The following TPSG1 variants were observed in gnomAD, a reference collection of about 807,000 sequenced individuals.
TPSG1 encodes tryptase gamma.
In TPSG1, 43 loss-of-function variants were observed where a neutral mutation model predicts 23.8. The observed-to-expected ratio is 1.81, with a 90% CI of 1.42 to 2.33. TPSG1 has a LOEUF of 2.33. TPSG1 is among the 30% of genes most tolerant of loss of function. The pLI is 0.00. For missense variants in TPSG1, 623 were observed against 438.6 expected (o/e 1.42, Z -3.75); for synonymous variants, 302 against 201.3 (o/e 1.50, Z -4.23).
At position 1,222,729 on chromosome 16, in the gene TPSG1, C is replaced by G. The variant is rs768784959; in HGVS notation, c.434G>C (p.Cys145Ser). 6.2e-7 allele frequency: 1 copy of G among 1,610,428 alleles called. No homozygotes were observed. Among genetic ancestry groups the G allele is most frequent in the Non-Finnish European group, 8.5e-7 (1 of 1,178,118 alleles). ...VTLSSRILPV[C>S]LPEASDDFCP... ...GAAGTCATCTGAGGCCTCCGGGAGG[C>G]AGACGGGCAGGATCCGGCTGGAGAG... is the stretch of plus-strand genomic sequence containing the variant. The change falls in exon 4 of 6, where the codon TGC becomes TCC. Residue 145 changes from cysteine (C) to serine (S), a missense_variant. Transcript: ENST00000234798.
Position 1,224,598 on chromosome 16 carries a change from G to C in TPSG1, c.73+4C>G. 6.2e-7 allele frequency: 1 copy of C among 1,613,816 alleles called. No individual in the cohort carries two copies. The highest frequency in any genetic ancestry group is 8.5e-7 in the Non-Finnish European group (1 of 1,179,854). On this transcript the variant is annotated splice_donor_region_variant and intron_variant, in intron 2 of 5. Coordinates refer to ENST00000234798, the MANE Select transcript of TPSG1 (RefSeq NM_012467.4). ...CCCACACCCCACACCTGTCAGAGAC[G>C]TACCTGGCTGCAAAGTCCTGAGGGA...
At position 1,222,758 on chromosome 16, in the gene TPSG1, C is replaced by A; in HGVS notation, c.405G>T (p.Val135=). ...CGGGCAGGATCCGGCTGGAGAGGGTCACGGGGACACTGAGCTCCACCAGGG... is the reference window on the plus strand; with the variant it reads ...CGGGCAGGATCCGGCTGGAGAGGGTAACGGGGACACTGAGCTCCACCAGGG... The part of the protein sequence containing the change: ...DIALVELSVP[V]TLSSRILPVC... Residue 135 remains valine, a synonymous_variant, in exon 4 of 6, where the codon GTG becomes GTT. Transcript: ENST00000234798. 6.2e-7 allele frequency: 1 copy of A among 1,612,288 alleles called. No homozygotes were observed.
At chr16:1,224,660 G>T in intron 1 of TPSG1, 32 bp from the exon 2 acceptor site, 2 of 1,613,482 alleles carry the variant, frequency 1.2e-6, no homozygotes, top group Non-Finnish European at 1.7e-6. Context: ...CAGGATGGAG[G>T]GGGCTGCCAA....
At chr16:1,224,965 C>T (rs1297653062) in intron 1 of TPSG1, among the ~76,000 whole-genome samples, 1 of 151,938 alleles carries the variant, frequency 6.6e-6, no homozygotes, top group African/African-American at 2.4e-5. Flanking sequence ...CCCCAACTAC[C>T]ACCCGCCCTG....
At position 1,223,408 on chromosome 16, in the gene TPSG1, C is replaced by T. The variant is rs753631616; in HGVS notation, c.245+15G>A. 2 of 1,568,868 alleles carry T rather than the reference C, an allele frequency of 1.3e-6. No homozygotes were observed. The highest frequency in any genetic ancestry group is 1.3e-5 in the African/African-American group (1 of 74,096). On this transcript the variant is annotated intron_variant, in intron 3 of 5. Transcript: ENST00000234798. ...CCTGGACATTGAGACTGCCCCTGCC[C>T]ACCCGGACACTCACCCGGAGAAGCA... is the stretch of plus-strand genomic sequence containing the variant.
In TPSG1 at chr16:1,225,106, A is replaced by G. The variant is rs2030076922; in HGVS notation, c.46+101T>C. The G allele has an allele frequency of 9.1e-6, 13 of 1,431,506 alleles. No homozygotes were observed. In the South Asian group the frequency reaches 1.6e-4, roughly 18 times the overall value. 88.7% of individuals were successfully genotyped at this position (1,431,506 alleles called of 1,614,324 possible). A position where few individuals can be genotyped will look rare whatever the true frequency, so the allele number is the denominator to read the frequency against. ...GGGCCCCACAGGGTGGGGACTCAGC[A>G]TGTTTCTCCGTCTCAGACCAGCCCC... is the stretch of plus-strand genomic sequence containing the variant. On this transcript the variant is annotated intron_variant, in intron 1 of 5. Transcript: ENST00000234798.
chr16:1,221,845 C>T lies in TPSG1; in HGVS notation c.909G>A (p.Leu303=), dbSNP rs765482252. The T allele has an allele frequency of 9.3e-6, 15 of 1,611,748 alleles. No homozygotes were observed. Among genetic ancestry groups the T allele is most frequent in the Non-Finnish European group, 1.7e-6 (2 of 1,179,536 alleles). ...CAGATGGGTGCAGCAGGCACTTGGC[C>T]AGCAGGACACAGGAGACTAGCAGAA... The part of the protein sequence containing the change: ...LFLLLVSCVL[L]AKCLLHPSAD... Residue 303 remains leucine, a synonymous_variant, in exon 6 of 6, where the codon CTG becomes CTA. Transcript: ENST00000234798.
chr16:1,225,196 A>C lies in TPSG1; in HGVS notation c.46+11T>G. 3.2e-6 allele frequency: 5 copies of C among 1,572,294 alleles called. No homozygotes were observed. Among genetic ancestry groups the C allele is most frequent in the Non-Finnish European group, 3.5e-6 (4 of 1,159,048 alleles). ...GCCCCCCCATCCCCACACCCAGGCC[A>C]GGTCACCCACCGGGCACAGCCAGGA... is the stretch of plus-strand genomic sequence containing the variant. On this transcript the variant is annotated intron_variant, in intron 1 of 5. Transcript: ENST00000234798.
In TPSG1 at chr16:1,222,186, G is replaced by A. The variant is rs767182612; in HGVS notation, c.657+10C>T. The stretch of plus-strand genomic sequence containing the variant: ...CGCCCCCATCCTCTGTCACGGCCTG[G>A]CAGGCTCACCTGGCAGGCATCCCCG... On this transcript the variant is annotated intron_variant, in intron 5 of 5. Coordinates refer to ENST00000234798, the MANE Select transcript of TPSG1 (RefSeq NM_012467.4). 6.2e-7 allele frequency: 1 copy of A among 1,611,208 alleles called. No individual in the cohort carries two copies. Among genetic ancestry groups the A allele is most frequent in the Non-Finnish European group, 8.5e-7 (1 of 1,179,714 alleles).
rs199944829 is a variant in TPSG1 at position 1,222,314 on chromosome 16, C to T, written c.539G>A (p.Arg180Gln). The T allele has an allele frequency of 1.4e-4, 229 of 1,608,492 alleles. 2 individuals are homozygous for T. The African/African-American group carries it at 2.2e-3, about 16-fold the overall frequency. The change falls in exon 5 of 6, where the codon CGG becomes CAG. Residue 180 changes from arginine (R) to glutamine (Q), a missense_variant. Arg to Gln is a conservative substitution (Grantham distance 43). Coordinates refer to ENST00000234798, the MANE Select transcript of TPSG1 (RefSeq NM_012467.4). ...GTCCACCACGGAGACTTTCACCTCC[C>T]GCAGGCTGTACGGGGGTGGCAGAGG... ...GEPLPPPYSL[R>Q]EVKVSVVDTE...
chr16:1,223,456 T>G lies in TPSG1; in HGVS notation c.212A>C (p.Gln71Pro). Residue 71 changes from glutamine (Q) to proline (P), a missense_variant, in exon 3 of 6, where the codon CAG becomes CCG. Coordinates refer to ENST00000234798, the MANE Select transcript of TPSG1 (RefSeq NM_012467.4). ...HVCGGSLLSP[Q>P]WVLTAAHCFS... ...GCAGTGGGCAGCTGTGAGCACCCAC[T>G]GGGGGCTGAGCAGTGACCCGCCGCA... 2 of 1,588,036 alleles carry G rather than the reference T, an allele frequency of 1.3e-6. No homozygotes were observed. The highest frequency in any genetic ancestry group is 1.7e-6 in the Non-Finnish European group (2 of 1,169,526).
In TPSG1 at chr16:1,225,171, G is replaced by T. The variant is rs201268351; in HGVS notation, c.46+36C>A. The T allele has an allele frequency of 1.7e-4, 258 of 1,553,326 alleles. 1 individual carries two copies. Among genetic ancestry groups the T allele is most frequent in the Non-Finnish European group, 2.1e-4 (245 of 1,148,682 alleles). On this transcript the variant is annotated intron_variant, in intron 1 of 5. Coordinates refer to ENST00000234798, the MANE Select transcript of TPSG1 (RefSeq NM_012467.4). ...TCAGGGGTCCAGGCAGGAAGCAGAT[G>T]CCCCCCCATCCCCACACCCAGGCCA... is the stretch of plus-strand genomic sequence containing the variant.
At chr16:1,224,238 T>A (rs1259533171) in intron 2 of TPSG1, 1 of 253,820 alleles carries the variant, frequency 3.9e-6, no homozygotes, top group Non-Finnish European at 7.6e-6. Context: ...CAGACAGAGA[T>A]GTTTATAGAT....
chr16:1,224,681 G>A lies in TPSG1; in HGVS notation c.47-53C>T, dbSNP rs1025011845. On this transcript the variant is annotated intron_variant, in intron 1 of 5. Transcript: ENST00000234798. Reference sequence around the variant, plus strand: ...GGAGGGGGCTGCCAAGGAGAGGGGTGTGCGGGCTCCAGAGGCCCCTGCCAG... The same window carrying A: ...GGAGGGGGCTGCCAAGGAGAGGGGTATGCGGGCTCCAGAGGCCCCTGCCAG... 2.5e-5 allele frequency: 41 copies of A among 1,612,060 alleles called. No individual in the cohort carries two copies. The African/African-American group carries it at 4.8e-4, about 19-fold the overall frequency.
At chr16:1,224,256 G>A (rs1228116754) in intron 2 of TPSG1, 4 of 287,426 alleles carry the variant, frequency 1.4e-5, no homozygotes, top group South Asian at 4.7e-5. Context: ...GATAGGCAGC[G>A]GGTGTGGGGT....
At chr16:1,224,103 A>G (rs1347258697) in intron 2 of TPSG1, 3 of 193,496 alleles carry the variant, frequency 1.6e-5, no homozygotes, top group Non-Finnish European at 3.1e-5. Flanking sequence ...CAGTAAGTTA[A>G]GAAGAAATTA....
At chr16:1,224,492 G>T (rs2030040439) in intron 2 of TPSG1, 110 bp downstream of exon 2, 2 of 1,426,330 alleles carry the variant, frequency 1.4e-6, no homozygotes, top group South Asian at 1.2e-5. Flanking sequence ...GACAAACTAT[G>T]ACCTCCCCGG....
In TPSG1 at chr16:1,222,828, A is replaced by G; in HGVS notation, c.335T>C (p.Leu112Pro). ...PHFSTVRQIILHSSPSGQPGT... is the reference protein window; with the variant it reads ...PHFSTVRQIIPHSSPSGQPGT... Reference sequence around the variant, plus strand: ...CGGCTGTCCTGAGGGGCTGGAGTGCAGGATGATCTGCCTCACGGTGGAGAA... The same window carrying G: ...CGGCTGTCCTGAGGGGCTGGAGTGCGGGATGATCTGCCTCACGGTGGAGAA... The change falls in exon 4 of 6, where the codon CTG (leucine) becomes CCG (proline). Residue 112 changes from leucine to proline, a missense_variant. Coordinates refer to ENST00000234798, the MANE Select transcript of TPSG1 (RefSeq NM_012467.4). The G allele has an allele frequency of 6.2e-7, 1 of 1,611,834 alleles. No individual in the cohort carries two copies. Among genetic ancestry groups the G allele is most frequent in the Non-Finnish European group, 8.5e-7 (1 of 1,179,650 alleles).
At chr16:1,223,312 C>T in intron 3 of TPSG1, 111 bp downstream of exon 3, 2 of 1,330,316 alleles carry the variant, frequency 1.5e-6, no homozygotes, top group South Asian at 1.5e-5. Context: ...GAAGTAGGCT[C>T]AGAGTTCCCA....
Sources: gnomAD v4.1 joint callset for allele counts (sites outside exome capture counted in the v4.1 genomes callset) on GRCh38, gnomAD v4.1.1 for gene constraint, MANE v1.5 for transcripts, NCBI Gene and HGNC (gene_info 2026-07-23, HGNC 2026-07-21) for gene names.